The following LDB2 variants were observed in gnomAD, a reference collection of about 807,000 sequenced individuals.
LDB2 encodes the protein LIM domain-binding protein 2.
LDB2 carries 12 observed loss-of-function variants against 44.3 expected under a neutral mutation model. That is an observed-to-expected ratio of 0.27 (90% confidence interval 0.17 to 0.44). The LOEUF (loss-of-function observed/expected upper bound fraction) is 0.44. Ranked by LOEUF, LDB2 falls within the 20% of genes least tolerant of loss-of-function variation. The probability of loss-of-function intolerance (pLI) is 1.00; values close to 1 mark genes in which losing one functional copy is unlikely to be tolerated. For synonymous variants in LDB2, 164 were observed against 174.8 expected, an observed-to-expected ratio of 0.94 and a Z score of 0.49; for missense variants, 344 against 473.5, an observed-to-expected ratio of 0.73 and a Z score of 2.54.
chr4:16,658,257 A>C (rs916186773), intron 2 of LDB2, among the ~76,000 whole-genome samples: 2 of 152,170 alleles, frequency 1.3e-5, no homozygotes, highest in African/African-American at 4.8e-5. Context: ...GAATTCAATA[A>C]ATTCCTGCTA....
intron 1 of LDB2, among the ~76,000 whole-genome samples, chr4:16,787,875 A>G (rs1774800841): frequency 6.6e-6 from 1 of 152,182 alleles, no homozygotes; most frequent in South Asian, 2.1e-4. Flanking sequence ...AAAATATTGT[A>G]AATATTGTTA....
chr4:16,691,063 A>G (rs1336266357), intron 2 of LDB2, among the ~76,000 whole-genome samples: 4 of 152,116 alleles, frequency 2.6e-5, no homozygotes, highest in Non-Finnish European at 4.4e-5. Context: ...TTGTTGCATA[A>G]CTACAAGGTG....
intron 7 of LDB2, chr4:16,506,034 A>G (rs199516864): frequency 2.2e-4 from 334 of 1,533,462 alleles, no homozygotes; most frequent in Non-Finnish European, 2.8e-4. Context: ...AGCCCTCGCC[A>G]GACACACACA....
chr4:16,508,808 C>G (rs1720592299), intron 6 of LDB2, 122 bp from the exon 7 acceptor site: 1 of 935,138 alleles, frequency 1.1e-6, no homozygotes, highest in Non-Finnish European at 1.5e-6. Context: ...TAAACATTTT[C>G]CATTTCTTAT....
Position 16,670,088 on chromosome 4 carries a change from G to C in LDB2, c.236-74213C>G, listed in dbSNP as rs1744314207. ...TTTCTGTCTGGTCCTTCACAGAAAA[G>C]TTTGCCAACCTCTGATCTAAATCAT... is the stretch of plus-strand genomic sequence containing the variant. On this transcript the variant is annotated intron_variant, in intron 2 of 7. Coordinates refer to ENST00000304523, the MANE Select transcript of LDB2 (RefSeq NM_001290.5). Among the ~76,000 whole-genome samples, 4 of 152,164 alleles carry C rather than the reference G, an allele frequency of 2.6e-5. No homozygotes were observed. In the South Asian group the frequency reaches 8.3e-4, roughly 31 times the overall value.
intron 1 of LDB2, among the ~76,000 whole-genome samples, chr4:16,874,550 T>C (rs1717788953): frequency 6.6e-6 from 1 of 152,210 alleles, no homozygotes; most frequent in Non-Finnish European, 1.5e-5. Flanking sequence ...CTCTTTCTCC[T>C]CTCAATCAAA....
At chr4:16,735,473 C>T (rs1208984376) in intron 2 of LDB2, among the ~76,000 whole-genome samples, 2 of 151,956 alleles carry the variant, frequency 1.3e-5, no homozygotes, top group Admixed American at 6.6e-5. Context: ...GGAGATGGGG[C>T]TTAACTTCTG....
chr4:16,717,187 A>AATAATAATAATAATAATG (rs56204510), intron 2 of LDB2, among the ~76,000 whole-genome samples: 3 of 146,934 alleles, frequency 2.0e-5, no homozygotes, highest in African/African-American at 7.4e-5. Context: ...TAATAATAAT[A>AATAATAATAATAATAATG]ATGATGATGA....
chr4:16,707,503 CA>C (rs1466228115), intron 2 of LDB2, among the ~76,000 whole-genome samples: 1 of 152,130 alleles, frequency 6.6e-6, no homozygotes, highest in Non-Finnish European at 1.5e-5. Context: ...TTGTCAATAG[CA>C]AACTAAAATC....
chr4:16,507,447 G>T (rs1719945852), intron 7 of LDB2, among the ~76,000 whole-genome samples: 3 of 152,106 alleles, frequency 2.0e-5, no homozygotes. Flanking sequence ...AAGTAAGTGG[G>T]GAATCCCTGT....
At chr4:16,609,129 C>T (rs945049738) in intron 2 of LDB2, among the ~76,000 whole-genome samples, 5 of 152,248 alleles carry the variant, frequency 3.3e-5, no homozygotes, top group Admixed American at 6.5e-5. Context: ...CAGTGGCCTA[C>T]CTGAGGGCCA....
chr4:16,550,096 C>T (rs1737130096), intron 5 of LDB2, among the ~76,000 whole-genome samples: 1 of 152,128 alleles, frequency 6.6e-6, no homozygotes, highest in Non-Finnish European at 1.5e-5. Context: ...AAAGATCTTA[C>T]CTAAGTAAGT....
chr4:16,503,024 T>C, intron 7 of LDB2, 151 bp from the exon 8 acceptor site: 1 of 1,562,424 alleles, frequency 6.4e-7, no homozygotes, highest in African/African-American at 1.4e-5. Flanking sequence ...CCGAGACGCA[T>C]ATTTGATTTC....
chr4:16,887,272 T>C (rs1256027395), intron 1 of LDB2, among the ~76,000 whole-genome samples: 6 of 151,718 alleles, frequency 4.0e-5, no homozygotes, highest in Non-Finnish European at 7.4e-5. Flanking sequence ...GGCTTATGAA[T>C]TGACAGCACT....
intron 1 of LDB2, among the ~76,000 whole-genome samples, chr4:16,807,665 T>C (rs1395284193): frequency 6.6e-6 from 1 of 152,196 alleles, no homozygotes; most frequent in South Asian, 2.1e-4. Flanking sequence ...GCCAAGTCAG[T>C]TGTGGAGAAA....
intron 2 of LDB2, among the ~76,000 whole-genome samples, chr4:16,735,661 T>C (rs58470892): frequency 0.13 from 19,844 of 151,970 alleles, 1,564 homozygotes; most frequent in African/African-American, 0.2. Context: ...CGATGGCATG[T>C]GGATATCATG....
chr4:16,534,109 C>T lies in LDB2; in HGVS notation c.616-22005G>A, dbSNP rs1460626472. On this transcript the variant is annotated intron_variant, in intron 5 of 7. Coordinates refer to ENST00000304523, the MANE Select transcript of LDB2 (RefSeq NM_001290.5). ...AGGGGTGTCCAGCAGAATGATGCAC[C>T]ATGCACAACTCACGTTCCTCTGATG... 2.6e-5 allele frequency among the ~76,000 whole-genome samples: 4 copies of T among 152,048 alleles called. No homozygotes were observed. The South Asian group carries it at 6.2e-4, about 24-fold the overall frequency.
intron 1 of LDB2, among the ~76,000 whole-genome samples, chr4:16,808,475 T>A (rs537031254): frequency 4.6e-5 from 7 of 152,292 alleles, no homozygotes; most frequent in African/African-American, 1.7e-4. Flanking sequence ...GAGGTTTTTG[T>A]TGTGTTTTGA....
intron 1 of LDB2, among the ~76,000 whole-genome samples, chr4:16,887,542 T>TG (rs900915272): frequency 4.6e-4 from 70 of 152,210 alleles, no homozygotes; most frequent in African/African-American, 1.6e-3. Flanking sequence ...GGTTGTTTTT[T>TG]TGTGTGTATT....
Sources: allele counts gnomAD v4.1 joint callset (sites outside exome capture counted in the v4.1 genomes callset), GRCh38; gene constraint gnomAD v4.1.1; transcripts MANE v1.5; gene names NCBI Gene and HGNC (gene_info 2026-07-23, HGNC 2026-07-21).